MYBL1: variants seen among roughly 807,000 people sequenced by gnomAD.
MYBL1 encodes the protein myb-related protein A.
Under a neutral mutation model 96.3 loss-of-function variants are expected in MYBL1, and 17 were observed. The ratio of observed to expected loss-of-function variants is 0.18; its 90% CI spans 0.12 to 0.26. The LOEUF is 0.26. Among genes scored for constraint, MYBL1 ranks in the 10% least tolerant of loss-of-function variants. MYBL1 has a pLI of 1.00. For synonymous variants in MYBL1, 282 were observed against 292.7 expected (o/e 0.96, Z 0.37); for missense variants, 701 against 882.9 (o/e 0.79, Z 2.61).
Position 66,580,311 on chromosome 8 carries a change from G to C in MYBL1, c.923C>G (p.Ser308Cys), listed in dbSNP as rs1409142820. The change falls in exon 9 of 16, where the codon TCT becomes TGT. Residue 308 changes from serine to cysteine, a missense_variant. This residue lies in a region of MYBL1 where 396 missense variants were observed against 407.4 expected (regional missense o/e 0.97). Transcript: ENST00000522677. Reference sequence around the variant, plus strand: ...CTCGTCAAGGCTATTTAGAGTATTAGACATGTTATCATCCATGAGGAAACT... The same window carrying C: ...CTCGTCAAGGCTATTTAGAGTATTACACATGTTATCATCCATGAGGAAACT... The part of the protein sequence containing the change: ...SGSFLMDDNM[S>C]NTLNSLDEHT... 3 of 1,613,728 alleles carry C rather than the reference G, an allele frequency of 1.9e-6. No individual in the cohort carries two copies. The South Asian group carries it at 3.3e-5, about 18-fold the overall frequency.
chr8:66,578,229 T>G (rs1809047620), intron 9 of MYBL1, among the ~76,000 whole-genome samples: 1 of 150,908 alleles, frequency 6.6e-6, no homozygotes, highest in African/African-American at 2.4e-5. Context: ...AATTGACAAA[T>G]GGGATCTAAT....
Position 66,612,872 on chromosome 8 carries a change from G to A in MYBL1, c.-34C>T. Reference sequence around the variant, plus strand: ...TACCGCATAGGAGCAGGCTGGGCGGGGACGCGGGTCAGCCTCCTCCAGCCT... The same window carrying A: ...TACCGCATAGGAGCAGGCTGGGCGGAGACGCGGGTCAGCCTCCTCCAGCCT... On this transcript the variant is annotated 5_prime_UTR_variant, in exon 1 of 16. Coordinates refer to ENST00000522677, the MANE Select transcript of MYBL1 (RefSeq NM_001080416.4). The A allele has an allele frequency of 7.4e-7, 1 of 1,344,974 alleles. No individual in the cohort carries two copies. The highest frequency in any genetic ancestry group is 9.6e-7 in the Non-Finnish European group (1 of 1,038,216). The allele number at this position is 1,344,974 out of a possible 1,614,324, so 83.3% of individuals were successfully genotyped here.
intron 4 of MYBL1, 94 bp from the exon 5 acceptor site, chr8:66,597,644 T>C (rs1586590728): frequency 1.3e-6 from 1 of 755,880 alleles, no homozygotes. Flanking sequence ...ATGCATTAAA[T>C]CCAAGCCACA....
chr8:66,581,657 C>T (rs1809217978), intron 8 of MYBL1, among the ~76,000 whole-genome samples: 1 of 152,106 alleles, frequency 6.6e-6, no homozygotes, highest in Non-Finnish European at 1.5e-5. Flanking sequence ...GCCTGGCTGA[C>T]AGAGTGAGAC....
At position 66,573,499 on chromosome 8, in the gene MYBL1, T is replaced by C; in HGVS notation, c.1478A>G (p.Asn493Ser). The part of the protein sequence containing the change: ...TLPFSPSQFF[N>S]TCPGNEQLNI... ...AAGTTGTTCATTACCAGGACATGTG[T>C]TGAAAAACTAGAAAGGGAAGAGAGT... The change falls in exon 11 of 16, where the codon AAC becomes AGC. Residue 493 changes from asparagine (N) to serine (S), a missense_variant. Physicochemically the swap from Asn to Ser is conservative, Grantham distance 46. This residue lies in a region of MYBL1 where 396 missense variants were observed against 407.4 expected (regional missense o/e 0.97). Coordinates refer to ENST00000522677, the MANE Select transcript of MYBL1 (RefSeq NM_001080416.4). The C allele has an allele frequency of 6.3e-7, 1 of 1,599,496 alleles. No homozygotes were observed. The highest frequency in any genetic ancestry group is 1.1e-5 in the South Asian group (1 of 87,000).
intron 1 of MYBL1, among the ~76,000 whole-genome samples, chr8:66,611,567 C>A (rs1810528325): frequency 6.6e-6 from 1 of 152,152 alleles, no homozygotes; most frequent in African/African-American, 2.4e-5. Context: ...CTAAACATCT[C>A]CCCATTACAA....
intron 1 of MYBL1, among the ~76,000 whole-genome samples, chr8:66,602,727 ATATATATTTTTTTT>A (rs1349489230): frequency 6.1e-5 from 3 of 49,486 alleles, no homozygotes; most frequent in South Asian, 7.6e-4. Context: ...ATATATATAT[ATATATATTTTTTTT>A]TTTTTTTTTT....
In MYBL1 at chr8:66,567,000, GT is replaced by G; in HGVS notation, c.1729-9del. 1.3e-6 allele frequency: 2 copies of G among 1,594,390 alleles called. No homozygotes were observed. Among genetic ancestry groups the G allele is most frequent in the Non-Finnish European group, 1.7e-6 (2 of 1,167,248 alleles). ...GAAAGCAAGTGGCTGGGACTAAATT[GT>G]TTTTTAAAATGTTGTAAAAAGTCAT... is the stretch of plus-strand genomic sequence containing the variant. On this transcript the variant is annotated splice_polypyrimidine_tract_variant and intron_variant, in intron 12 of 15. Coordinates refer to ENST00000522677, the MANE Select transcript of MYBL1 (RefSeq NM_001080416.4).
chr8:66,586,476 G>A (rs977777761), intron 8 of MYBL1, among the ~76,000 whole-genome samples: 7 of 152,036 alleles, frequency 4.6e-5, no homozygotes, highest in African/African-American at 7.2e-5. Context: ...TCAAAACCAC[G>A]ATGAGATATC....
rs370283990 is a variant in MYBL1, at chr8:66,581,550, G to A, written c.868-1184C>T. ...AAATTAGCTGGGCATGGTACCATGCGCCTGTAGTCCCAGAACTCGAGAGGC... is the reference window on the plus strand; with the variant it reads ...AAATTAGCTGGGCATGGTACCATGCACCTGTAGTCCCAGAACTCGAGAGGC... On this transcript the variant is annotated intron_variant, in intron 8 of 15. Transcript: ENST00000522677. 7.8e-4 allele frequency among the ~76,000 whole-genome samples: 118 copies of A among 152,106 alleles called. 1 individual carries two copies. Among genetic ancestry groups the A allele is most frequent in the African/African-American group, 2.7e-3 (112 of 41,508 alleles).
intron 12 of MYBL1, among the ~76,000 whole-genome samples, chr8:66,570,065 GAA>G (rs1808667975): frequency 1.3e-5 from 2 of 152,150 alleles, no homozygotes; most frequent in South Asian, 4.1e-4. Flanking sequence ...CAGGAGAAAT[GAA>G]AAGTCAGCTT....
rs1414581816 is a variant in MYBL1 at position 66,612,827 on chromosome 8, C to G, written c.12G>C (p.Arg4Ser). ...AAAGGGGTGCCACCCACCTGCGCGA[C>G]CTCTTCGCCATCCTTCAAGTACCGC... MAKRSRSEDEDDDL... is the reference protein window; with the variant it reads MAKSSRSEDEDDDL... Residue 4 changes from arginine to serine, a missense_variant, in exon 1 of 16, where the codon AGG becomes AGC. Transcript: ENST00000522677. 7.3e-7 allele frequency: 1 copy of G among 1,371,892 alleles called. No homozygotes were observed. The highest frequency in any genetic ancestry group is 9.5e-7 in the Non-Finnish European group (1 of 1,053,504). 85.0% of individuals were successfully genotyped at this position (1,371,892 alleles called of 1,614,324 possible).
At chr8:66,591,220 C>T (rs915841530) in intron 8 of MYBL1, among the ~76,000 whole-genome samples, 3 of 151,844 alleles carry the variant, frequency 2.0e-5, no homozygotes, top group Admixed American at 6.6e-5. Flanking sequence ...TGGTGGCAGG[C>T]GCCTGCAGTC....
rs778861394 is a variant in MYBL1, at chr8:66,592,527, T to C, written c.780A>G (p.Glu260=). The change falls in exon 8 of 16, where the codon GAA becomes GAG. Residue 260 remains glutamate, a synonymous_variant. Transcript: ENST00000522677. The part of the protein sequence containing the change: ...SAFIQQPFID[E]DPDKEKKIKE... ...TTATTTTCTTTTCCTTATCAGGATC[T>C]TCATCAATGAAGGGTTGCTAAAATA... 6.3e-7 allele frequency: 1 copy of C among 1,594,234 alleles called. No homozygotes were observed. The highest frequency in any genetic ancestry group is 1.3e-5 in the African/African-American group (1 of 74,516).
chr8:66,587,000 G>C (rs1809445192), intron 8 of MYBL1, among the ~76,000 whole-genome samples: 1 of 152,124 alleles, frequency 6.6e-6, no homozygotes, highest in African/African-American at 2.4e-5. Context: ...AGATCTCATA[G>C]AAGTATAGAG....
Position 66,576,222 on chromosome 8 carries a change from T to C in MYBL1, c.1255A>G (p.Lys419Glu), listed in dbSNP as rs761023931. 6 of 1,614,028 alleles carry C rather than the reference T, an allele frequency of 3.7e-6. No homozygotes were observed. In the South Asian group the frequency reaches 6.6e-5, roughly 18 times the overall value. ...CTGTTGCCACCATTACAAGTGTTTT[T>C]TTTCCCTTCAAGTACAAGACTGACG... ...FNVSLVLEGKKNTCNGGNSEA... is the reference protein window; with the variant it reads ...FNVSLVLEGKENTCNGGNSEA... The change falls in exon 10 of 16, where the codon AAA becomes GAA. Residue 419 changes from lysine (K) to glutamate (E), a missense_variant. Physicochemically the swap from Lys to Glu is moderately conservative, Grantham distance 56 (BLOSUM62 1). Transcript: ENST00000522677.
At chr8:66,591,351 A>C (rs1484785422) in intron 8 of MYBL1, among the ~76,000 whole-genome samples, 1 of 151,654 alleles carries the variant, frequency 6.6e-6, no homozygotes, top group South Asian at 2.1e-4. Context: ...TGTCTCAAAA[A>C]AAAAAAAATT....
rs758143885 is a variant in MYBL1 at position 66,563,238 on chromosome 8, G to A, written c.*1459C>T. On this transcript the variant is annotated 3_prime_UTR_variant, in exon 16 of 16. Coordinates refer to ENST00000522677, the MANE Select transcript of MYBL1 (RefSeq NM_001080416.4). The stretch of plus-strand genomic sequence containing the variant: ...TTTCCTTCTCTCGTAGCAGCAAGCC[G>A]ATTCTGCTATTTTCTATAGCAGCAT... The A allele has an allele frequency of 1.3e-5, 2 of 152,472 alleles. No individual in the cohort carries two copies. The highest frequency in any genetic ancestry group is 4.8e-5 in the African/African-American group (2 of 41,392). 9.4% of individuals were successfully genotyped at this position (152,472 alleles called of 1,614,324 possible). A position where few individuals can be genotyped will look rare whatever the true frequency, so the allele number is the denominator to read the frequency against.
intron 8 of MYBL1, among the ~76,000 whole-genome samples, chr8:66,591,319 C>A (rs1246999163): frequency 6.6e-6 from 1 of 151,926 alleles, no homozygotes; most frequent in Non-Finnish European, 1.5e-5. Flanking sequence ...TGCACTCCAG[C>A]CTGGGCAACA....
Sources: allele counts gnomAD v4.1 joint callset (sites outside exome capture counted in the v4.1 genomes callset), GRCh38; gene constraint gnomAD v4.1.1; regional missense constraint gnomAD v4.1.1; transcripts MANE v1.5; gene names NCBI Gene and HGNC (gene_info 2026-07-23, HGNC 2026-07-21).